The following PRLR variants were observed in gnomAD, a reference collection of about 807,000 sequenced individuals.
The protein encoded by PRLR is prolactin receptor, also known as hPRL receptor.
Under a neutral mutation model 40.2 loss-of-function variants are expected in PRLR, and 13 were observed. The ratio of observed to expected loss-of-function variants is 0.32; its 90% CI spans 0.21 to 0.51. The LOEUF (loss-of-function observed/expected upper bound fraction) is 0.51, where lower values mean the gene tolerates loss of function less well. Among genes scored for constraint, PRLR ranks in the 20% least tolerant of loss-of-function variants. The pLI is 0.97. For missense variants in PRLR, 656 were observed against 747.3 expected (o/e 0.88, Z 1.42); for synonymous variants, 269 against 278.7 (o/e 0.97, Z 0.35).
intron 1 of PRLR, among the ~76,000 whole-genome samples, chr5:35,189,535 C>A (rs1034097833): frequency 6.6e-6 from 1 of 151,154 alleles, no homozygotes; most frequent in Non-Finnish European, 1.5e-5. Flanking sequence ...GAGCTGAGAT[C>A]GTGCCACTGC....
At chr5:35,075,617 A>G (rs1337909742) in intron 5 of PRLR, among the ~76,000 whole-genome samples, 1 of 152,178 alleles carries the variant, frequency 6.6e-6, no homozygotes, top group East Asian at 1.9e-4. Flanking sequence ...GGGGCCAGAG[A>G]ATAGCTGAAC....
At chr5:35,071,523 T>C (rs1360129956) in intron 6 of PRLR, among the ~76,000 whole-genome samples, 2 of 152,250 alleles carry the variant, frequency 1.3e-5, no homozygotes, top group African/African-American at 2.4e-5. Flanking sequence ...TACTAAAGTA[T>C]GTAAAGATGG....
intron 5 of PRLR, among the ~76,000 whole-genome samples, chr5:35,075,900 C>T (rs1359865244): frequency 6.6e-6 from 1 of 152,210 alleles, no homozygotes; most frequent in East Asian, 1.9e-4. Flanking sequence ...GTTCTGCAGC[C>T]TCTGCTGGTG....
chr5:35,130,563 T>C (rs1773637954), intron 1 of PRLR, among the ~76,000 whole-genome samples: 1 of 152,148 alleles, frequency 6.6e-6, no homozygotes, highest in Non-Finnish European at 1.5e-5. Context: ...TTGTCAAAAA[T>C]CACTTTTCAG....
intron 1 of PRLR, among the ~76,000 whole-genome samples, chr5:35,141,799 A>G (rs1372200429): frequency 6.6e-6 from 1 of 152,092 alleles, no homozygotes; most frequent in African/African-American, 2.4e-5. Context: ...TTTCTGGACT[A>G]TGCCCTCCCA....
intron 1 of PRLR, among the ~76,000 whole-genome samples, chr5:35,192,465 G>A (rs1172455946): frequency 8.5e-5 from 13 of 152,186 alleles, no homozygotes; most frequent in Admixed American, 3.3e-4. Flanking sequence ...GAAAGAAAGC[G>A]TGTAGGGTAA....
At chr5:35,156,153 A>AAAACC (rs368387955) in intron 1 of PRLR, among the ~76,000 whole-genome samples, 13 of 150,960 alleles carry the variant, frequency 8.6e-5, no homozygotes, top group African/African-American at 3.2e-4. Context: ...AAAAAAAAAC[A>AAAACC]AAACCAACTT....
intron 1 of PRLR, among the ~76,000 whole-genome samples, chr5:35,126,502 T>C (rs1773472008): frequency 6.6e-6 from 1 of 152,226 alleles, no homozygotes; most frequent in African/African-American, 2.4e-5. Context: ...GAGGATTTTT[T>C]TTCTTTGTGT....
chr5:35,181,668 G>T (rs1775300836), intron 1 of PRLR, among the ~76,000 whole-genome samples: 1 of 152,158 alleles, frequency 6.6e-6, no homozygotes, highest in Non-Finnish European at 1.5e-5. Flanking sequence ...AAATAATTTA[G>T]CCCAGCAAAT....
At chr5:35,212,110 G>A (rs1217216535) in intron 1 of PRLR, among the ~76,000 whole-genome samples, 2 of 152,150 alleles carry the variant, frequency 1.3e-5, no homozygotes, top group African/African-American at 4.8e-5. Flanking sequence ...AATATTTGAG[G>A]TCCACATTAA....
chr5:35,078,951 C>CA (rs1401438824), intron 5 of PRLR, among the ~76,000 whole-genome samples: 1 of 152,154 alleles, frequency 6.6e-6, no homozygotes, highest in Non-Finnish European at 1.5e-5. Flanking sequence ...GAACCAAAGA[C>CA]AAAAACCACA....
intron 8 of PRLR, chr5:35,049,549 C>G: frequency 1.7e-6 from 1 of 596,402 alleles, no homozygotes; most frequent in South Asian, 2.1e-5. Flanking sequence ...AAACTCAAGC[C>G]TAGAATTGCA....
At chr5:35,189,643 T>C (rs1275109205) in intron 1 of PRLR, among the ~76,000 whole-genome samples, 2 of 151,502 alleles carry the variant, frequency 1.3e-5, no homozygotes, top group African/African-American at 4.9e-5. Flanking sequence ...TATCAACAGA[T>C]GAGAGTTCAC....
At chr5:35,081,385 A>T in intron 5 of PRLR, 6 of 220,382 alleles carry the variant, frequency 2.7e-5, no homozygotes, top group East Asian at 1.4e-4. Flanking sequence ...TGGGAAGCTC[A>T]ATGGCATGGC....
At position 35,064,909 on chromosome 5, in the gene PRLR, A is replaced by C. The variant is rs1769256930; in HGVS notation, c.*180T>G. On this transcript the variant is annotated 3_prime_UTR_variant, in exon 10 of 10. Transcript: ENST00000618457. ...AATCTACAAATCACAGTTAGGAAAC[A>C]TAATGATTTGTTCTGGAATCAGCTG... 1.5e-6 allele frequency: 1 copy of C among 661,982 alleles called. No homozygotes were observed. 41.0% of individuals were successfully genotyped at this position (661,982 alleles called of 1,614,324 possible).
At chr5:35,123,480 C>T (rs952627384) in intron 1 of PRLR, among the ~76,000 whole-genome samples, 1 of 152,158 alleles carries the variant, frequency 6.6e-6, no homozygotes, top group African/African-American at 2.4e-5. Context: ...GATTTGTCCA[C>T]TCACATATTT....
At chr5:35,092,613 G>A (rs182461989) in intron 2 of PRLR, among the ~76,000 whole-genome samples, 7 of 152,252 alleles carry the variant, frequency 4.6e-5, no homozygotes, top group Admixed American at 2.6e-4. Flanking sequence ...GAGGGCAGGC[G>A]TGGCCCTTCT....
intron 2 of PRLR, among the ~76,000 whole-genome samples, chr5:35,112,097 G>A (rs918150848): frequency 6.6e-6 from 1 of 152,166 alleles, no homozygotes; most frequent in Admixed American, 6.5e-5. Flanking sequence ...CGACCTCCCT[G>A]TGTTAATCAG....
At chr5:35,070,361 T>C (rs770561119) in intron 6 of PRLR, 96 bp from the exon 7 acceptor site, 9 of 1,331,558 alleles carry the variant, frequency 6.8e-6, no homozygotes, top group Non-Finnish European at 9.5e-6. Flanking sequence ...GGCTGAACAA[T>C]CATATACAGA....
Sources: allele counts gnomAD v4.1 joint callset (sites outside exome capture counted in the v4.1 genomes callset), GRCh38; gene constraint gnomAD v4.1.1; transcripts MANE v1.5; gene names NCBI Gene and HGNC (gene_info 2026-07-23, HGNC 2026-07-21).